MYH3: variants seen among roughly 807,000 people sequenced by gnomAD.
MYH3 encodes the protein myosin heavy chain 3, also known as myosin-3.
A neutral mutation model predicts 238.0 loss-of-function variants in MYH3; 130 were observed. The ratio of observed to expected loss-of-function variants is 0.55; its 90% CI spans 0.47 to 0.63. MYH3 has a LOEUF of 0.63. MYH3 is among the 30% of genes least tolerant of loss of function. The pLI is 0.00. For missense variants in MYH3, 1,853 were observed against 2,374.9 expected (o/e 0.78, Z 4.57); for synonymous variants, 880 against 924.1 (o/e 0.95, Z 0.86).
At position 10,629,938 on chromosome 17, in the gene MYH3, C is replaced by CT; in HGVS notation, c.5563-2dup. The CT allele has an allele frequency of 6.2e-7, 1 of 1,614,126 alleles. No homozygotes were observed. The highest frequency in any genetic ancestry group is 8.5e-7 in the Non-Finnish European group (1 of 1,179,998). ...GCACATTCTTCCTGTCCTCTTCACT[C>CT]TAAGAATGAGAAAGTGGGAATGTCA... On this transcript the variant is annotated splice_acceptor_variant, in intron 38 of 40. Coordinates refer to ENST00000583535, the MANE Select transcript of MYH3 (RefSeq NM_002470.4). LOFTEE classifies it high-confidence loss of function.
rs769237086 is a variant in MYH3 at position 10,639,157 on chromosome 17, G to C, written c.3135C>G (p.Leu1045=). 1 of 1,614,088 alleles carries C rather than the reference G, an allele frequency of 6.2e-7. No homozygotes were observed. The highest frequency in any genetic ancestry group is 1.7e-5 in the Admixed American group (1 of 60,016). The change falls in exon 25 of 41, where the codon CTC becomes CTG. Residue 1045 remains leucine, a synonymous_variant. Transcript: ENST00000583535. The part of the protein sequence containing the change: ...LESSLEQEKK[L]RVDLERNKRK... ...TTTTGTTCCTTTCCAGGTCTACTCG[G>C]AGCTTCTTTTCTTGTTCTAGGGAGC...
chr17:10,632,735 A>G lies in MYH3; in HGVS notation c.4697T>C (p.Leu1566Ser). The G allele has an allele frequency of 2.5e-6, 4 of 1,614,214 alleles. No individual in the cohort carries two copies. The highest frequency in any genetic ancestry group is 2.5e-6 in the Non-Finnish European group (3 of 1,180,038). ...ATCAATTTCTGATTTCACTTGTGTC[A>G]ATTCAAGCTGGATTCGGAGGATCTT... ...EAKILRIQLE[L>S]TQVKSEIDRK... The change falls in exon 34 of 41, where the codon TTG (leucine) becomes TCG (serine). Residue 1566 changes from leucine (L) to serine (S), a missense_variant. By Grantham distance (145) the Leu-to-Ser change is moderately radical. Coordinates refer to ENST00000583535, the MANE Select transcript of MYH3 (RefSeq NM_002470.4).
intron 31 of MYH3, among the ~76,000 whole-genome samples, chr17:10,634,573 C>T (rs532294002): frequency 2.6e-5 from 4 of 152,260 alleles, no homozygotes; most frequent in Admixed American, 6.5e-5. Flanking sequence ...ACCAGTAGTA[C>T]GGAAAGGAAA....
At chr17:10,664,024 T>C in the MYH3 span, among the ~76,000 whole-genome samples, 5 of 143,718 alleles carry the variant, frequency 3.5e-5, no homozygotes, top group African/African-American at 1.0e-4. Context: ...GATCGTGCCA[T>C]TGCACTCCAG....
chr17:10,646,257 A>T (rs765120856), intron 10 of MYH3, among the ~76,000 whole-genome samples: 14 of 152,194 alleles, frequency 9.2e-5, no homozygotes, highest in Non-Finnish European at 1.9e-4. Context: ...AGGACCCTAG[A>T]GAGAACCTTT....
At chr17:10,661,686 T>C (rs568899687), upstream of MYH3, among the ~76,000 whole-genome samples, 1 of 152,316 alleles carries the variant, frequency 6.6e-6, no homozygotes, top group Admixed American at 6.5e-5. Flanking sequence ...CGCCGTTTGA[T>C]GTTCAGTCCT....
chr17:10,652,867 C>T (rs1255764836), intron 3 of MYH3, among the ~76,000 whole-genome samples: 2 of 151,772 alleles, frequency 1.3e-5, no homozygotes, highest in Non-Finnish European at 2.9e-5. Context: ...GTGATCCACC[C>T]GCCTCAGCCT....
At chr17:10,649,171 G>A (rs2097657) in intron 7 of MYH3, among the ~76,000 whole-genome samples, 95,806 of 152,052 alleles carry the variant, frequency 0.63, 32,094 homozygotes, top group Non-Finnish European at 0.77. Flanking sequence ...TCTTGACTGA[G>A]CATTCCTTTA....
chr17:10,636,511 G>A (rs2074217168), intron 28 of MYH3, among the ~76,000 whole-genome samples: 1 of 152,120 alleles, frequency 6.6e-6, no homozygotes, highest in Non-Finnish European at 1.5e-5. Flanking sequence ...TCTCTAGTTA[G>A]ACTCTTGGGG....
rs1372826891 is a variant in MYH3, at chr17:10,640,662, T to C, written c.2190A>G (p.Ala730=). The C allele has an allele frequency of 2.4e-5, 38 of 1,614,114 alleles. No individual in the cohort carries two copies. Among genetic ancestry groups the C allele is most frequent in the Non-Finnish European group, 3.1e-5 (36 of 1,180,028 alleles). The change falls in exon 20 of 41, where the codon GCA becomes GCG. Residue 730 remains alanine, a synonymous_variant. Transcript: ENST00000583535. ...KQRYRVLNAS[A]IPEGQFIDSK... Reference sequence around the variant, plus strand: ...TGTCAATGAATTGTCCCTCAGGGATTGCACTGGCATTCAGCACTCGGTATC... The same window carrying C: ...TGTCAATGAATTGTCCCTCAGGGATCGCACTGGCATTCAGCACTCGGTATC...
chr17:10,645,159 G>A (rs1025950234), intron 12 of MYH3, among the ~76,000 whole-genome samples: 21 of 151,938 alleles, frequency 1.4e-4, no homozygotes, highest in Admixed American at 6.6e-5. Context: ...TGCCGGCAGG[G>A]CACAGTGGCT....
At chr17:10,640,778 A>C in intron 19 of MYH3, 92 bp from the exon 20 acceptor site, 2 of 1,474,240 alleles carry the variant, frequency 1.4e-6, no homozygotes, top group Non-Finnish European at 1.9e-6. Context: ...CTATAGGCAG[A>C]AGGCCAAGGT....
chr17:10,657,324 T>TC (rs1319918551), upstream of MYH3: 2 of 152,150 alleles, frequency 1.3e-5, no homozygotes, highest in Non-Finnish European at 2.9e-5. Context: ...GGCTGGCTGC[T>TC]CCCCGGGGCT....
In MYH3 at chr17:10,655,042, TC is replaced by T; in HGVS notation, c.22del (p.Glu8LysfsTer5). The stretch of plus-strand genomic sequence containing the variant: ...GAAAGGAGCAGCTATGCCGAACACT[TC>T]CATTTCAGTGTCACTACTCATGGTG... MSSDTEMEVFGIAAPFLR... is the reference protein window; with the variant it reads MSSDTEMXVFGIAAPFLR... On this transcript the variant is annotated frameshift_variant, in exon 3 of 41. Transcript: ENST00000583535. LOFTEE classifies it high-confidence loss of function. 2 of 1,614,096 alleles carry T rather than the reference TC, an allele frequency of 1.2e-6. No homozygotes were observed. The highest frequency in any genetic ancestry group is 1.7e-6 in the Non-Finnish European group (2 of 1,180,008).
Position 10,638,922 on chromosome 17 carries a change from T to A in MYH3, c.3290A>T (p.Asp1097Val). The change falls in exon 26 of 41, where the codon GAT becomes GTT. Residue 1097 changes from aspartate (D) to valine (V), a missense_variant. By Grantham distance (152) the Asp-to-Val change is radical. Coordinates refer to ENST00000583535, the MANE Select transcript of MYH3 (RefSeq NM_002470.4). ...AAACTGGAGGCCCAGTGTCTGCTCA[T>A]CTTCCACTTTGCTTTGAAGTTGACA... is the stretch of plus-strand genomic sequence containing the variant. ...EYCQLQSKVE[D>V]EQTLGLQFQK... The A allele has an allele frequency of 6.2e-7, 1 of 1,614,212 alleles. No homozygotes were observed. The highest frequency in any genetic ancestry group is 1.1e-5 in the South Asian group (1 of 91,082).
chr17:10,634,020 C>G lies in MYH3; in HGVS notation c.4519G>C (p.Glu1507Gln). ...CAGAGGGTTTCGAATAGCTTACGCT[C>G]TAAGTTCTTATTTTCCCGTTTCACA... ...ETVKRENKNL[E>Q]QEIADLTEQI... is the part of the protein sequence containing the mutation. The change falls in exon 32 of 41, where the codon GAG (glutamate) becomes CAG (glutamine). Residue 1507 changes from glutamate to glutamine, a missense_variant. Transcript: ENST00000583535. 1.2e-6 allele frequency: 2 copies of G among 1,613,950 alleles called. No homozygotes were observed. The highest frequency in any genetic ancestry group is 1.7e-6 in the Non-Finnish European group (2 of 1,180,038).
At chr17:10,665,139 T>C in the MYH3 span, among the ~76,000 whole-genome samples, 2 of 143,678 alleles carry the variant, frequency 1.4e-5, no homozygotes, top group African/African-American at 5.0e-5. Flanking sequence ...CATTTATTTT[T>C]ATTTTTTATT....
intron 3 of MYH3, among the ~76,000 whole-genome samples, chr17:10,652,919 C>T (rs565571956): frequency 1.4e-4 from 22 of 152,000 alleles, no homozygotes; most frequent in African/African-American, 5.3e-4. Flanking sequence ...CCGTGCCTGG[C>T]CTGTCTGCAC....
intron 40 of MYH3, 113 bp from the exon 41 acceptor site, chr17:10,628,792 TA>T: frequency 8.5e-7 from 1 of 1,179,390 alleles, no homozygotes; most frequent in Non-Finnish European, 1.3e-6. Flanking sequence ...GGACACAGGA[TA>T]TTTTTTGGAC....
Sources: gnomAD v4.1 joint callset for allele counts (sites outside exome capture counted in the v4.1 genomes callset) on GRCh38, gnomAD v4.1.1 for gene constraint, MANE v1.5 for transcripts, NCBI Gene and HGNC (gene_info 2026-07-23, HGNC 2026-07-21) for gene names.